C1orf146: variants seen among roughly 807,000 people sequenced by gnomAD.
The protein encoded by C1orf146 is chromosome 1 open reading frame 146, also known as protein SPO16 homolog.
In C1orf146, 22 loss-of-function variants were observed where a neutral mutation model predicts 23.0. The ratio of observed to expected loss-of-function variants is 0.96; its 90% confidence interval spans 0.68 to 1.36. The LOEUF (loss-of-function observed/expected upper bound fraction) is 1.36. Ranked by LOEUF, C1orf146 falls within the 40% of genes most tolerant of loss-of-function variation. The probability of loss-of-function intolerance (pLI) is 0.00; values close to 1 mark genes in which losing one functional copy is unlikely to be tolerated. For synonymous variants in C1orf146, 59 were observed against 65.3 expected (o/e 0.90, Z 0.47); for missense variants, 199 against 206.8 (o/e 0.96, Z 0.23).
At chr1:92,244,978 T>C in intron 5 of C1orf146, 121 bp downstream of exon 5, 1 of 573,670 alleles carries the variant, frequency 1.7e-6, no homozygotes, top group Non-Finnish European at 3.0e-6. Flanking sequence ...CGGGAGTTGC[T>C]GTTTCAGGGT....
chr1:92,231,596 G>A, intron 2 of C1orf146, 110 bp downstream of exon 2: 1 of 637,890 alleles, frequency 1.6e-6, no homozygotes, highest in Non-Finnish European at 2.6e-6. Flanking sequence ...AATTAATTGT[G>A]GGGAGCAGGA....
At chr1:92,237,611 G>A (rs905568021) in intron 2 of C1orf146, among the ~76,000 whole-genome samples, 1 of 152,194 alleles carries the variant, frequency 6.6e-6, no homozygotes, top group African/African-American at 2.4e-5. Flanking sequence ...CGTGCTGGGA[G>A]AACCACTGCT....
chr1:92,234,229 A>G (rs1196629910), intron 2 of C1orf146, among the ~76,000 whole-genome samples: 1 of 150,302 alleles, frequency 6.7e-6, no homozygotes, highest in Non-Finnish European at 1.5e-5. Flanking sequence ...CCCATTGAGT[A>G]TGATATTGCC....
At chr1:92,234,469 T>A (rs1652221482) in intron 2 of C1orf146, among the ~76,000 whole-genome samples, 1 of 152,214 alleles carries the variant, frequency 6.6e-6, no homozygotes, top group Non-Finnish European at 1.5e-5. Context: ...GCCCACTTGA[T>A]CATGGTGGAT....
chr1:92,245,572 C>G lies in C1orf146; in HGVS notation c.441C>G (p.Cys147Trp). Residue 147 changes from cysteine to tryptophan, a missense_variant, in exon 6 of 6, where the codon TGC becomes TGG. By Grantham distance (215) the Cys-to-Trp change is radical. Transcript: ENST00000370375. ...TTSKPYIDSI[C>W]YRMITAKAYI... ...CCAAACCATACATAGATAGCATTTGCTACAGAATGATAACAGCTAAAGCTT... is the reference window on the plus strand; with the variant it reads ...CCAAACCATACATAGATAGCATTTGGTACAGAATGATAACAGCTAAAGCTT... 8 of 1,597,534 alleles carry G rather than the reference C, an allele frequency of 5.0e-6. No individual in the cohort carries two copies. Among genetic ancestry groups the G allele is most frequent in the Non-Finnish European group, 6.8e-6 (8 of 1,174,052 alleles).
chr1:92,221,085 GAATTA>G (rs1433710916), intron 1 of C1orf146, among the ~76,000 whole-genome samples: 7 of 152,022 alleles, frequency 4.6e-5, no homozygotes, highest in East Asian at 1.9e-4. Flanking sequence ...GAAAAAGCAG[GAATTA>G]AATTAAATCA....
At chr1:92,220,987 C>T (rs988545652) in intron 1 of C1orf146, among the ~76,000 whole-genome samples, 3 of 152,116 alleles carry the variant, frequency 2.0e-5, no homozygotes, top group South Asian at 4.1e-4. Flanking sequence ...ATCCTACTTG[C>T]AAGCTAATAA....
At chr1:92,243,020 G>T (rs1292190620) in intron 3 of C1orf146, among the ~76,000 whole-genome samples, 1 of 152,144 alleles carries the variant, frequency 6.6e-6, no homozygotes, top group East Asian at 1.9e-4. Context: ...TATTCTTCTG[G>T]TTAAATACAG....
chr1:92,218,950 C>A (rs1229877508), intron 1 of C1orf146, among the ~76,000 whole-genome samples: 1 of 152,160 alleles, frequency 6.6e-6, no homozygotes, highest in South Asian at 2.1e-4. Flanking sequence ...ACTTGGGACA[C>A]GACTGACCCC....
At chr1:92,226,320 A>G (rs1250278752) in intron 1 of C1orf146, among the ~76,000 whole-genome samples, 1 of 152,096 alleles carries the variant, frequency 6.6e-6, no homozygotes, top group Non-Finnish European at 1.5e-5. Context: ...TTAACGCTAA[A>G]TTCTGGAAAA....
At chr1:92,230,736 C>CTCCA (rs754332494) in intron 1 of C1orf146, among the ~76,000 whole-genome samples, 5 of 152,196 alleles carry the variant, frequency 3.3e-5, no homozygotes, top group Admixed American at 2.0e-4. Flanking sequence ...CACCCCTGTA[C>CTCCA]TCCAGCCTGT....
At chr1:92,236,386 A>G (rs1208079814) in intron 2 of C1orf146, among the ~76,000 whole-genome samples, 1 of 152,168 alleles carries the variant, frequency 6.6e-6, no homozygotes, top group Non-Finnish European at 1.5e-5. Context: ...TTGGCTGGAT[A>G]TGAAATTCTG....
intron 2 of C1orf146, among the ~76,000 whole-genome samples, chr1:92,240,528 CTT>C (rs1246843874): frequency 1.3e-5 from 2 of 152,132 alleles, no homozygotes; most frequent in Admixed American, 6.5e-5. Context: ...ACAAAATACT[CTT>C]TAGAAAAGAA....
At chr1:92,235,554 TGTG>T (rs1652253705) in intron 2 of C1orf146, among the ~76,000 whole-genome samples, 1 of 152,194 alleles carries the variant, frequency 6.6e-6, no homozygotes, top group South Asian at 2.1e-4. Flanking sequence ...TTGGAATAGG[TGTG>T]GTGTGGTGCT....
intron 2 of C1orf146, among the ~76,000 whole-genome samples, chr1:92,237,728 C>T (rs1347636659): frequency 3.9e-5 from 6 of 152,122 alleles, no homozygotes; most frequent in Non-Finnish European, 7.4e-5. Context: ...GGCTCCTCCC[C>T]CATAAATTAT....
chr1:92,234,639 G>T (rs1174145869), intron 2 of C1orf146, among the ~76,000 whole-genome samples: 2 of 152,212 alleles, frequency 1.3e-5, no homozygotes, highest in Admixed American at 1.3e-4. Flanking sequence ...ATGAGTTAGG[G>T]AGGATTCCCT....
intron 2 of C1orf146, among the ~76,000 whole-genome samples, chr1:92,233,913 T>C (rs1029884758): frequency 6.6e-6 from 1 of 152,162 alleles, no homozygotes; most frequent in Non-Finnish European, 1.5e-5. Context: ...TCTCTGTTTG[T>C]CTGTTATTGG....
chr1:92,227,058 C>CT (rs752621774), intron 1 of C1orf146, among the ~76,000 whole-genome samples: 56 of 151,948 alleles, frequency 3.7e-4, no homozygotes, highest in South Asian at 6.2e-4. Context: ...ATCATTTCTC[C>CT]TTTTTTTTGC....
At chr1:92,243,470 C>G (rs1032028945) in intron 3 of C1orf146, among the ~76,000 whole-genome samples, 1 of 152,172 alleles carries the variant, frequency 6.6e-6, no homozygotes, top group Non-Finnish European at 1.5e-5. Context: ...CCTCAGCCTC[C>G]TCAGTAGCTG....
Sources: allele counts gnomAD v4.1 joint callset (sites outside exome capture counted in the v4.1 genomes callset), GRCh38; gene constraint gnomAD v4.1.1; transcripts MANE v1.5; gene names NCBI Gene and HGNC (gene_info 2026-07-23, HGNC 2026-07-21).